C12orf50: variants seen among roughly 807,000 people sequenced by gnomAD.
The protein encoded by C12orf50 is uncharacterized protein C12orf50.
A neutral mutation model predicts 61.6 loss-of-function variants in C12orf50; 35 were observed. The ratio of observed to expected loss-of-function variants is 0.57; its 90% CI spans 0.43 to 0.75. C12orf50 has a LOEUF of 0.75. Among genes scored for constraint, C12orf50 ranks in the 30% least tolerant of loss-of-function variants. C12orf50 has a pLI of 0.00. For missense variants in C12orf50, 475 were observed against 488.5 expected (o/e 0.97, Z 0.26); for synonymous variants, 178 against 161.5 (o/e 1.10, Z -0.77).
rs567686785 is a variant in C12orf50 at position 87,994,756 on chromosome 12, A to C, written c.482-13T>G. ...GTAAGACTATCTCCTAGAAATAAGA[A>C]GAAAAAAAAGTCACCCCAGAAATTA... On this transcript the variant is annotated splice_polypyrimidine_tract_variant and intron_variant, in intron 6 of 12. Transcript: ENST00000298699. 1 of 1,541,644 alleles carries C rather than the reference A, an allele frequency of 6.5e-7. No individual in the cohort carries two copies. Among genetic ancestry groups the C allele is most frequent in the South Asian group, 1.2e-5 (1 of 86,608 alleles).
At position 87,989,127 on chromosome 12, in the gene C12orf50, C is replaced by G. The variant is rs539068461; in HGVS notation, c.700+137G>C. On this transcript the variant is annotated intron_variant, in intron 8 of 12. Transcript: ENST00000298699. The stretch of plus-strand genomic sequence containing the variant: ...GTTAGGGGCAGAGCCAGGACTGGAA[C>G]CTTAGAGCTCTTGACTCCTATTCAG... 10 of 606,472 alleles carry G rather than the reference C, an allele frequency of 1.6e-5. No individual in the cohort carries two copies. In the Admixed American group the frequency reaches 2.6e-4, roughly 16 times the overall value. The allele number at this position is 606,472 out of a possible 1,614,324, so 37.6% of individuals were successfully genotyped here. A position where few individuals can be genotyped will look rare whatever the true frequency, so the allele number is the denominator to read the frequency against.
chr12:87,994,788 G>A (rs536673062), intron 6 of C12orf50, 45 bp from the exon 7 acceptor site: 4 of 1,206,098 alleles, frequency 3.3e-6, no homozygotes, highest in African/African-American at 3.1e-5. Context: ...ATTATTAGAT[G>A]CTTAAATAAG....
intron 7 of C12orf50, among the ~76,000 whole-genome samples, chr12:87,990,986 C>T (rs2031093989): frequency 6.6e-6 from 1 of 152,022 alleles, no homozygotes; most frequent in Non-Finnish European, 1.5e-5. Context: ...ATTTGGCATT[C>T]GAGCTTTGCC....
intron 3 of C12orf50, among the ~76,000 whole-genome samples, chr12:88,018,063 G>T (rs182951922): frequency 2.6e-5 from 4 of 152,320 alleles, no homozygotes; most frequent in Admixed American, 2.6e-4. Flanking sequence ...ACAATAAGCC[G>T]AATGTTAATC....
chr12:88,014,465 C>A (rs1444847779), intron 3 of C12orf50, among the ~76,000 whole-genome samples: 1 of 152,016 alleles, frequency 6.6e-6, no homozygotes, highest in Non-Finnish European at 1.5e-5. Context: ...CTACGTCCGG[C>A]TAATTTTTGT....
chr12:88,005,020 C>T (rs2031802782), intron 3 of C12orf50, among the ~76,000 whole-genome samples: 1 of 152,096 alleles, frequency 6.6e-6, no homozygotes, highest in African/African-American at 2.4e-5. Context: ...CACAAACAAA[C>T]CTGTACCCCT....
chr12:87,994,914 T>A (rs539612656), intron 6 of C12orf50, among the ~76,000 whole-genome samples, 171 bp from the exon 7 acceptor site: 1 of 152,314 alleles, frequency 6.6e-6, no homozygotes, highest in African/African-American at 2.4e-5. Context: ...TTAAATTCTG[T>A]GTCAACAAAG....
intron 3 of C12orf50, among the ~76,000 whole-genome samples, chr12:87,999,339 C>T: frequency 6.6e-6 from 1 of 152,142 alleles, no homozygotes; most frequent in Admixed American, 6.6e-5. Flanking sequence ...GTGGAAGCAT[C>T]ACTTAAGCCT....
chr12:87,997,911 ATAGT>A (rs1334818770), intron 4 of C12orf50, 120 bp downstream of exon 4: 1 of 673,692 alleles, frequency 1.5e-6, no homozygotes, highest in Non-Finnish European at 2.4e-6. Context: ...TAATACAATT[ATAGT>A]TATTTTCTCA....
chr12:88,011,450 G>A (rs2032106562), intron 3 of C12orf50, among the ~76,000 whole-genome samples: 2 of 151,988 alleles, frequency 1.3e-5, no homozygotes, highest in African/African-American at 2.4e-5. Flanking sequence ...TCTTTGCCAA[G>A]AATTCTAAAC....
rs911658030 is a variant in C12orf50 at position 87,986,130 on chromosome 12, A to T, written c.923-77T>A. On this transcript the variant is annotated intron_variant, in intron 10 of 12. Transcript: ENST00000298699. ...CCATAAATAACATATTGCACTGCAA[A>T]TACTTCATAGCATAATGGAAGCCAA... 9 of 1,480,916 alleles carry T rather than the reference A, an allele frequency of 6.1e-6. No homozygotes were observed. In the African/African-American group the frequency reaches 1.3e-4, roughly 21 times the overall value. 91.7% of individuals were successfully genotyped at this position (1,480,916 alleles called of 1,614,324 possible).
At chr12:88,023,385 G>A (rs911677360) in intron 3 of C12orf50, among the ~76,000 whole-genome samples, 3 of 151,868 alleles carry the variant, frequency 2.0e-5, no homozygotes, top group African/African-American at 7.3e-5. Context: ...TTAAATGTAG[G>A]CCAGGCACGG....
At position 87,986,028 on chromosome 12, in the gene C12orf50, AT is replaced by A; in HGVS notation, c.947del (p.Asn316IlefsTer3). 1 of 1,613,740 alleles carries A rather than the reference AT, an allele frequency of 6.2e-7. No homozygotes were observed. The highest frequency in any genetic ancestry group is 8.5e-7 in the Non-Finnish European group (1 of 1,179,796). ...QRAVQAPRPQ[N>X]KMSYHRNNKN... Reference sequence around the variant, plus strand: ...TATTATTGCGGTGATAACTCATTTTATTTTGGGGTCTTGGGGCCTGTACTGC... The same window carrying A: ...TATTATTGCGGTGATAACTCATTTTATTTGGGGTCTTGGGGCCTGTACTGC... On this transcript the variant is annotated frameshift_variant, in exon 11 of 13. Coordinates refer to ENST00000298699, the MANE Select transcript of C12orf50 (RefSeq NM_152589.3). LOFTEE classifies it high-confidence loss of function.
Position 87,985,942 on chromosome 12 carries a change from A to G in C12orf50, c.1034T>C (p.Val345Ala). ...GCTGCGGGAAGGTGCATTCAACGCG[A>G]CAGTCCTGACAGCATCTCTTTGAAC... is the stretch of plus-strand genomic sequence containing the variant. ...IHVQRDAVRT[V>A]ALNAPSRSRP... is the part of the protein sequence containing the mutation. The change falls in exon 11 of 13, where the codon GTC becomes GCC. Residue 345 changes from valine (V) to alanine (A), a missense_variant. Coordinates refer to ENST00000298699, the MANE Select transcript of C12orf50 (RefSeq NM_152589.3). 1 of 1,613,900 alleles carries G rather than the reference A, an allele frequency of 6.2e-7. No individual in the cohort carries two copies.
chr12:87,980,396 G>T, intron 12 of C12orf50, 40 bp from the exon 13 acceptor site: 2 of 1,520,334 alleles, frequency 1.3e-6, no homozygotes, highest in Non-Finnish European at 9.1e-7. Flanking sequence ...TTATTTTCTT[G>T]TTTAGCGCAC....
chr12:87,986,180 G>C, intron 10 of C12orf50, 127 bp from the exon 11 acceptor site: 3 of 1,274,918 alleles, frequency 2.4e-6, no homozygotes, highest in Non-Finnish European at 3.3e-6. Context: ...ATTAAGTTTA[G>C]AGAAGTTGAG....
intron 4 of C12orf50, 26 bp downstream of exon 4, chr12:87,998,009 G>A (rs2031488063): frequency 6.3e-7 from 1 of 1,588,272 alleles, no homozygotes; most frequent in African/African-American, 1.3e-5. Flanking sequence ...AATGTGTATT[G>A]TAAACCTGAA....
intron 3 of C12orf50, among the ~76,000 whole-genome samples, chr12:88,022,594 A>G (rs1210800581): frequency 6.6e-6 from 1 of 152,232 alleles, no homozygotes; most frequent in South Asian, 2.1e-4. Context: ...ATAATTCTAT[A>G]TCTAGAAAAC....
In C12orf50 at chr12:87,980,543, G is replaced by A; in HGVS notation, c.1220-187C>T. Among the ~76,000 whole-genome samples the A allele has an allele frequency of 1.3e-5, 2 of 152,038 alleles. 1 individual carries two copies. On this transcript the variant is annotated intron_variant, in intron 12 of 12. Coordinates refer to ENST00000298699, the MANE Select transcript of C12orf50 (RefSeq NM_152589.3). The stretch of plus-strand genomic sequence containing the variant: ...TTCTTTTTGATTCTTACTATGTTTT[G>A]CATTTGGATGGAGGGGTGGAAAAGA...
Sources: allele counts gnomAD v4.1 joint callset (sites outside exome capture counted in the v4.1 genomes callset), GRCh38; gene constraint gnomAD v4.1.1; transcripts MANE v1.5; gene names NCBI Gene and HGNC (gene_info 2026-07-23, HGNC 2026-07-21).